Variants in CACHD1 observed in about 807,000 individuals in gnomAD.
CACHD1 encodes the protein VWFA and cache domain-containing protein 1.
CACHD1 carries 71 observed loss-of-function variants against 138.7 expected under a neutral mutation model. The ratio of observed to expected loss-of-function variants is 0.51; its 90% CI spans 0.42 to 0.62. CACHD1 has a LOEUF of 0.62. Among genes scored for constraint, CACHD1 ranks in the 20% least tolerant of loss-of-function variants. CACHD1 has a pLI of 0.00. For missense variants in CACHD1, 1,389 were observed against 1,625.3 expected, an observed-to-expected ratio of 0.85 and a Z score of 2.50; for synonymous variants, 578 against 591.5, an observed-to-expected ratio of 0.98 and a Z score of 0.33.
rs573618462 is a variant in CACHD1 at position 64,552,838 on chromosome 1, AC to A, written c.261+2183del. On this transcript the variant is annotated intron_variant, in intron 2 of 26. Coordinates refer to ENST00000651257, the MANE Select transcript of CACHD1 (RefSeq NM_020925.4). ...TTTAAAATACATGTTTTCATCAGAT[AC>A]AGGAGTCTCTGCTAAACTGTCTTTA... Among the ~76,000 whole-genome samples, 723 of 152,360 alleles carry A rather than the reference AC, an allele frequency of 4.7e-3. 9 individuals carry two copies. The highest frequency in any genetic ancestry group is 0.016 in the African/African-American group (679 of 41,586).
At chr1:64,620,150 A>T (rs1647857696) in intron 4 of CACHD1, among the ~76,000 whole-genome samples, 1 of 152,238 alleles carries the variant, frequency 6.6e-6, no homozygotes, top group Admixed American at 6.5e-5. Flanking sequence ...TCATCCAGGC[A>T]TCATAGGCCT....
At chr1:64,632,050 A>T (rs1648323831) in intron 5 of CACHD1, among the ~76,000 whole-genome samples, 1 of 152,020 alleles carries the variant, frequency 6.6e-6, no homozygotes, top group Non-Finnish European at 1.5e-5. Flanking sequence ...GCAGAGGAGA[A>T]TCCAACCCTG....
intron 21 of CACHD1, 76 bp downstream of exon 21, chr1:64,676,059 T>C (rs2100727893): frequency 1.7e-6 from 1 of 575,008 alleles, no homozygotes; most frequent in East Asian, 4.6e-5. Context: ...ATACTGTGAG[T>C]CTCTTATAGA....
At chr1:64,649,669 A>G (rs1033212126) in intron 9 of CACHD1, among the ~76,000 whole-genome samples, 1 of 152,222 alleles carries the variant, frequency 6.6e-6, no homozygotes, top group Non-Finnish European at 1.5e-5. Context: ...CTCAGATCAT[A>G]TAGCCAAATT....
chr1:64,577,388 A>G (rs1646976620), intron 2 of CACHD1, among the ~76,000 whole-genome samples: 1 of 152,232 alleles, frequency 6.6e-6, no homozygotes, highest in Admixed American at 6.5e-5. Context: ...GAGACTGTGC[A>G]TAGCTTATGG....
chr1:64,473,452 T>C (rs949692446), intron 1 of CACHD1, among the ~76,000 whole-genome samples: 1 of 152,036 alleles, frequency 6.6e-6, no homozygotes, highest in Non-Finnish European at 1.5e-5. Context: ...TTACCTAAAG[T>C]GTAGGTTATA....
chr1:64,668,155 C>T (rs921455193), intron 16 of CACHD1, among the ~76,000 whole-genome samples: 6 of 151,938 alleles, frequency 3.9e-5, no homozygotes, highest in African/African-American at 7.3e-5. Flanking sequence ...GGTGAAACCC[C>T]GTCTGTACTA....
At chr1:64,512,613 T>A (rs1324771709) in intron 1 of CACHD1, among the ~76,000 whole-genome samples, 1 of 152,112 alleles carries the variant, frequency 6.6e-6, no homozygotes, top group Non-Finnish European at 1.5e-5. Flanking sequence ...CGGGCTAAAT[T>A]CAACATTTCC....
chr1:64,684,363 CTTTTTTTTTTTTT>C (rs397980387), intron 26 of CACHD1, among the ~76,000 whole-genome samples: 1 of 54,982 alleles, frequency 1.8e-5, no homozygotes, highest in South Asian at 6.6e-4. Flanking sequence ...TCTTCTTCTT[CTTTTTTTTTTTTT>C]TTTTTTTTGG....
chr1:64,471,286 A>G (rs1051940339), intron 1 of CACHD1, among the ~76,000 whole-genome samples: 4 of 151,948 alleles, frequency 2.6e-5, no homozygotes, highest in Non-Finnish European at 4.4e-5. Flanking sequence ...CACATTTCCC[A>G]TGTAGGCTTG....
chr1:64,557,759 ATTTTCT>A (rs1646809406), intron 2 of CACHD1, among the ~76,000 whole-genome samples: 1 of 151,546 alleles, frequency 6.6e-6, no homozygotes, highest in Admixed American at 6.6e-5. Flanking sequence ...CAGTTCTGCC[ATTTTCT>A]TTTTCTTTTT....
Position 64,470,205 on chromosome 1 carries a change from C to T in CACHD1, c.-540C>T, listed in dbSNP as rs1474059868. On this transcript the variant is annotated 5_prime_UTR_variant, in exon 1 of 27. Coordinates refer to ENST00000651257, the MANE Select transcript of CACHD1 (RefSeq NM_020925.4). This position sits in a 1 kb window ranked among gnomAD's most constrained non-coding sequence, Gnocchi z 5.2. ...CCTTTCCCCACCGCTTGCTTTCTTT[C>T]TTTCAGTTGTGTGGGTTTGTGAAGC... is the stretch of plus-strand genomic sequence containing the variant. 6.6e-6 allele frequency among the ~76,000 whole-genome samples: 1 copy of T among 152,068 alleles called. No individual in the cohort carries two copies. The highest frequency in any genetic ancestry group is 1.5e-5 in the Non-Finnish European group (1 of 67,996).
intron 26 of CACHD1, among the ~76,000 whole-genome samples, 199 bp from the exon 27 acceptor site, chr1:64,691,124 G>GT (rs1650538476): frequency 6.6e-6 from 1 of 151,566 alleles, no homozygotes; most frequent in Non-Finnish European, 1.5e-5. Flanking sequence ...TTGTGTCATT[G>GT]TTTTTTAAGG....
At chr1:64,565,397 A>G (rs6685011) in intron 2 of CACHD1, among the ~76,000 whole-genome samples, 115,190 of 151,998 alleles carry the variant, frequency 0.76, 46,457 homozygotes, top group Non-Finnish European at 0.89. Flanking sequence ...ACCCAGATGG[A>G]GAATTTACAA....
At chr1:64,485,028 T>C (rs1246334671) in intron 1 of CACHD1, among the ~76,000 whole-genome samples, 1 of 152,238 alleles carries the variant, frequency 6.6e-6, no homozygotes, top group Non-Finnish European at 1.5e-5. Context: ...TAATTCTGTT[T>C]GTCCGAGAAA....
chr1:64,669,125 G>A (rs1413384170), intron 16 of CACHD1, among the ~76,000 whole-genome samples: 2 of 152,130 alleles, frequency 1.3e-5, no homozygotes, highest in Admixed American at 1.3e-4. Context: ...ACAGTGCCTG[G>A]TATCTGGTAA....
intron 9 of CACHD1, among the ~76,000 whole-genome samples, chr1:64,650,345 T>TG (rs1211987183): frequency 6.6e-6 from 1 of 152,186 alleles, no homozygotes; most frequent in Non-Finnish European, 1.5e-5. Flanking sequence ...GGGACTGTGG[T>TG]GGGCAGATTG....
chr1:64,520,770 C>A (rs1646492485), intron 1 of CACHD1, among the ~76,000 whole-genome samples: 1 of 152,150 alleles, frequency 6.6e-6, no homozygotes, highest in African/African-American at 2.4e-5. Flanking sequence ...TATTAGTTAC[C>A]ATTTACTGAG....
chr1:64,662,712 C>T (rs11208493), intron 13 of CACHD1, among the ~76,000 whole-genome samples: 33,380 of 152,088 alleles, frequency 0.22, 6,018 homozygotes, highest in East Asian at 0.63. Flanking sequence ...TGTTTTTGTT[C>T]TGCACTGTGA....
Sources: gnomAD v4.1 joint callset for allele counts (sites outside exome capture counted in the v4.1 genomes callset) on GRCh38, gnomAD v4.1.1 for gene constraint, Gnocchi (gnomAD v3.1) non-coding constraint, MANE v1.5 for transcripts, NCBI Gene and HGNC (gene_info 2026-07-23, HGNC 2026-07-21) for gene names.